TTLL12: variants seen among roughly 807,000 people sequenced by gnomAD.
TTLL12 encodes tubulin--tyrosine ligase-like protein 12.
TTLL12 carries 77 observed loss-of-function variants against 79.6 expected under a neutral mutation model. The ratio of observed to expected loss-of-function variants is 0.97; its 90% CI spans 0.81 to 1.17. TTLL12 has a LOEUF of 1.17. Ranked by LOEUF, TTLL12 falls within the 50% of genes most tolerant of loss-of-function variation. The probability of loss-of-function intolerance (pLI) is 0.00; values close to 1 mark genes in which losing one functional copy is unlikely to be tolerated. For synonymous variants in TTLL12, 437 were observed against 376.1 expected (o/e 1.16, Z -1.87); for missense variants, 969 against 895.9 (o/e 1.08, Z -1.04).
rs1284655701 is a variant in TTLL12, at chr22:43,167,294, C to G, written c.*714G>C. 4.3e-6 allele frequency: 2 copies of G among 462,612 alleles called. No homozygotes were observed. The highest frequency in any genetic ancestry group is 2.4e-5 in the Admixed American group (1 of 41,650). 28.7% of individuals were successfully genotyped at this position (462,612 alleles called of 1,614,324 possible). A position where few individuals can be genotyped will look rare whatever the true frequency, so the allele number is the denominator to read the frequency against. On this transcript the variant is annotated 3_prime_UTR_variant, in exon 14 of 14. Transcript: ENST00000216129. ...AGGGCAACCACTGGGAAGACAGATACTGATTTCCCTGTTGGGGTCTGTGAC... is the reference window on the plus strand; with the variant it reads ...AGGGCAACCACTGGGAAGACAGATAGTGATTTCCCTGTTGGGGTCTGTGAC...
At chr22:43,170,029 A>G in intron 11 of TTLL12, 2 of 371,714 alleles carry the variant, frequency 5.4e-6, no homozygotes, top group Non-Finnish European at 1.1e-5. Flanking sequence ...TGAGGGATGC[A>G]AGATCTTTCT....
chr22:43,176,506 G>C (rs1211043184), intron 5 of TTLL12, 110 bp from the exon 6 acceptor site: 2 of 847,874 alleles, frequency 2.4e-6, no homozygotes, highest in Non-Finnish European at 3.9e-6. Flanking sequence ...GAGGCAGGTG[G>C]ATCACGTGAT....
At chr22:43,172,006 C>A (rs1365402454) in intron 10 of TTLL12, 106 bp from the exon 11 acceptor site, 19 of 919,610 alleles carry the variant, frequency 2.1e-5, no homozygotes, top group Admixed American at 1.8e-4. Flanking sequence ...GGGCTCAGGG[C>A]AGGACCACCT....
chr22:43,179,551 G>T (rs937039603), intron 5 of TTLL12, 68 bp downstream of exon 5: 3 of 1,484,874 alleles, frequency 2.0e-6, no homozygotes, highest in African/African-American at 2.8e-5. Context: ...ATAACATTTG[G>T]TGTGTGCACA....
chr22:43,185,101 G>A (rs1156619318), intron 1 of TTLL12, among the ~76,000 whole-genome samples: 1 of 151,486 alleles, frequency 6.6e-6, no homozygotes, highest in East Asian at 1.9e-4. Flanking sequence ...GGTGGCGCAC[G>A]TCTGTAATCC....
At chr22:43,183,626 TCA>T (rs1555981749) in intron 1 of TTLL12, among the ~76,000 whole-genome samples, 1 of 152,152 alleles carries the variant, frequency 6.6e-6, no homozygotes, top group Non-Finnish European at 1.5e-5. Flanking sequence ...CTGAGTCAAC[TCA>T]CAGAGAAGCC....
intron 9 of TTLL12, among the ~76,000 whole-genome samples, chr22:43,173,349 C>T (rs780614238): frequency 4.6e-5 from 7 of 152,100 alleles, no homozygotes; most frequent in Non-Finnish European, 7.4e-5. Context: ...CTTGCTCTGT[C>T]GCCCAGGGCG....
chr22:43,180,462 G>A (rs1196004028), intron 3 of TTLL12, among the ~76,000 whole-genome samples: 1 of 152,186 alleles, frequency 6.6e-6, no homozygotes, highest in Non-Finnish European at 1.5e-5. Flanking sequence ...GGTGAGGAAT[G>A]GTTGAGGGCT....
intron 6 of TTLL12, chr22:43,175,706 T>C (rs1309200393): frequency 6.6e-6 from 1 of 152,094 alleles, no homozygotes; most frequent in Non-Finnish European, 1.5e-5. Flanking sequence ...TCTTGCTCTG[T>C]AGCCCAGGCT....
rs772911324 is a variant in TTLL12, at chr22:43,167,202, C to T, written c.*806G>A. The T allele has an allele frequency of 2.3e-5, 12 of 531,872 alleles. No individual in the cohort carries two copies. The highest frequency in any genetic ancestry group is 5.6e-5 in the South Asian group (4 of 71,260). 32.9% of individuals were successfully genotyped at this position (531,872 alleles called of 1,614,324 possible). ...GCCCACAATCAGCCCCAGCCCCAGG[C>T]GCCCCTTGCCGAAGGATCCTGGCCC... is the stretch of plus-strand genomic sequence containing the variant. On this transcript the variant is annotated 3_prime_UTR_variant, in exon 14 of 14. Transcript: ENST00000216129.
chr22:43,167,735 G>C lies in TTLL12; in HGVS notation c.*273C>G. On this transcript the variant is annotated 3_prime_UTR_variant, in exon 14 of 14. Coordinates refer to ENST00000216129, the MANE Select transcript of TTLL12 (RefSeq NM_015140.4). ...CCTTGGCTAAACTGGAGACTCATCAGTGCACAGATGGTGGTGAGGGGTGAG... is the reference window on the plus strand; with the variant it reads ...CCTTGGCTAAACTGGAGACTCATCACTGCACAGATGGTGGTGAGGGGTGAG... 2.6e-6 allele frequency: 1 copy of C among 380,884 alleles called. No individual in the cohort carries two copies. Among genetic ancestry groups the C allele is most frequent in the Non-Finnish European group, 4.8e-6 (1 of 207,064 alleles). 23.6% of individuals were successfully genotyped at this position (380,884 alleles called of 1,614,324 possible).
Position 43,176,350 on chromosome 22 carries a change from G to C in TTLL12, c.887C>G (p.Pro296Arg), listed in dbSNP as rs199719540. 2 of 1,604,646 alleles carry C rather than the reference G, an allele frequency of 1.2e-6. No individual in the cohort carries two copies. The highest frequency in any genetic ancestry group is 4.5e-5 in the East Asian group (2 of 44,548). ...NKEKLPLDIN[P>R]VVHPHGHIFK... ...GATGTGGCCGTGGGGGTGCACCACG[G>C]GGTTGATGTCAAGTGGCAGCTTCTC... is the stretch of plus-strand genomic sequence containing the variant. The change falls in exon 6 of 14, where the codon CCC (proline) becomes CGC (arginine). Residue 296 changes from proline (P) to arginine (R), a missense_variant. Pro to Arg is a moderately radical substitution (Grantham distance 103). Transcript: ENST00000216129.
intron 2 of TTLL12, among the ~76,000 whole-genome samples, chr22:43,182,212 G>A (rs73418089): frequency 0.025 from 3,820 of 152,314 alleles, 164 homozygotes; most frequent in African/African-American, 0.084. Flanking sequence ...CCTGTTCCTG[G>A]GCCTGAGCCG....
chr22:43,169,465 C>T (rs1931706393), intron 12 of TTLL12, 35 bp downstream of exon 12: 1 of 1,536,690 alleles, frequency 6.5e-7, no homozygotes, highest in Non-Finnish European at 8.8e-7. Context: ...GGACCCGCCC[C>T]ACCGGCCTGC....
intron 5 of TTLL12, among the ~76,000 whole-genome samples, chr22:43,176,754 G>C (rs1399743289): frequency 7.4e-6 from 1 of 135,160 alleles, no homozygotes; most frequent in Non-Finnish European, 1.6e-5. Flanking sequence ...AAAAAAAAAA[G>C]GAAAAGAAGG....
intron 5 of TTLL12, among the ~76,000 whole-genome samples, chr22:43,177,422 C>T (rs1022072266): frequency 1.3e-5 from 2 of 152,090 alleles, no homozygotes; most frequent in African/African-American, 4.8e-5. Flanking sequence ...CTCTTTGACA[C>T]TATCTTCCAA....
chr22:43,182,046 G>GAAAGGCCCGGAAGCAGAAA (rs1205893732), intron 2 of TTLL12, among the ~76,000 whole-genome samples: 2 of 150,678 alleles, frequency 1.3e-5, no homozygotes, highest in African/African-American at 2.5e-5. Context: ...CCCGGAAGCA[G>GAAAGGCCCGGAAGCAGAAA]GTGGGGCTGA....
rs780852753 is a variant in TTLL12, at chr22:43,179,808, C to T, written c.706+33G>A. 1.7e-5 allele frequency: 27 copies of T among 1,554,820 alleles called. 1 individual carries two copies. The South Asian group carries it at 3.1e-4, about 18-fold the overall frequency. Reference sequence around the variant, plus strand: ...GGGTGACGGGACACTGGGCTGAGGCCCCTCCTCCAGGGCGGGCAGGTGCTG... The same window carrying T: ...GGGTGACGGGACACTGGGCTGAGGCTCCTCCTCCAGGGCGGGCAGGTGCTG... On this transcript the variant is annotated intron_variant, in intron 4 of 13. Coordinates refer to ENST00000216129, the MANE Select transcript of TTLL12 (RefSeq NM_015140.4).
At chr22:43,174,150 C>CA in intron 8 of TTLL12, 59 bp downstream of exon 8, 2 of 1,561,168 alleles carry the variant, frequency 1.3e-6, no homozygotes, top group East Asian at 2.3e-5. Context: ...CAGGCGGACA[C>CA]AGACGCTGGG....
Sources: allele counts gnomAD v4.1 joint callset (sites outside exome capture counted in the v4.1 genomes callset), GRCh38; gene constraint gnomAD v4.1.1; transcripts MANE v1.5; gene names NCBI Gene and HGNC (gene_info 2026-07-23, HGNC 2026-07-21).